SLC4A10: variants seen among roughly 807,000 people sequenced by gnomAD.
SLC4A10 encodes the protein sodium-driven chloride bicarbonate exchanger.
SLC4A10 carries 42 observed loss-of-function variants against 137.7 expected under a neutral mutation model. The ratio of observed to expected loss-of-function variants is 0.30; its 90% CI spans 0.24 to 0.39. The LOEUF (loss-of-function observed/expected upper bound fraction) is 0.39, where lower values mean the gene tolerates loss of function less well. Among genes scored for constraint, SLC4A10 ranks in the 10% least tolerant of loss-of-function variants. SLC4A10 has a pLI of 1.00. For synonymous variants in SLC4A10, 474 were observed against 464.1 expected (o/e 1.02, Z -0.27); for missense variants, 925 against 1,355.0 (o/e 0.68, Z 4.98).
At chr2:161,799,973 G>A (rs1041880442) in intron 2 of SLC4A10, among the ~76,000 whole-genome samples, 13 of 151,980 alleles carry the variant, frequency 8.6e-5, no homozygotes, top group South Asian at 6.2e-4. Flanking sequence ...GTTTATCTCC[G>A]TTATATACAA....
intron 1 of SLC4A10, among the ~76,000 whole-genome samples, chr2:161,652,172 AC>A (rs1401059111): frequency 1.3e-5 from 2 of 152,214 alleles, no homozygotes; most frequent in Non-Finnish European, 2.9e-5. Flanking sequence ...GAGAGGAGGT[AC>A]CTATGTACAT....
At chr2:161,688,654 G>C (rs918172433) in intron 1 of SLC4A10, among the ~76,000 whole-genome samples, 1 of 151,942 alleles carries the variant, frequency 6.6e-6, no homozygotes, top group Non-Finnish European at 1.5e-5. Flanking sequence ...TATCTCTTTT[G>C]GTGCCTTTAT....
At chr2:161,937,724 T>C (rs1691836921) in intron 15 of SLC4A10, among the ~76,000 whole-genome samples, 1 of 152,178 alleles carries the variant, frequency 6.6e-6, no homozygotes, top group Non-Finnish European at 1.5e-5. Flanking sequence ...AACTTTTTAT[T>C]GAGTTAATTA....
intron 15 of SLC4A10, among the ~76,000 whole-genome samples, chr2:161,914,641 T>G: frequency 6.6e-6 from 1 of 151,566 alleles, no homozygotes; most frequent in Non-Finnish European, 1.5e-5. Context: ...ATGAATGAAG[T>G]ACTCATGGAA....
chr2:161,821,007 G>A (rs998660786), intron 3 of SLC4A10, among the ~76,000 whole-genome samples: 2 of 152,020 alleles, frequency 1.3e-5, no homozygotes, highest in Admixed American at 6.6e-5. Context: ...ATATCTTATT[G>A]TTTTAATTTA....
chr2:161,630,027 GT>G (rs2033220356), intron 1 of SLC4A10, among the ~76,000 whole-genome samples: 1 of 151,722 alleles, frequency 6.6e-6, no homozygotes, highest in Non-Finnish European at 1.5e-5. Flanking sequence ...GTGTGGACAT[GT>G]TTTCAATTTC....
intron 2 of SLC4A10, among the ~76,000 whole-genome samples, chr2:161,779,353 G>T (rs983493540): frequency 1.1e-4 from 17 of 151,870 alleles, no homozygotes; most frequent in Admixed American, 1.1e-3. Context: ...ATGAGTTTTG[G>T]TTGGGACAAA....
intron 16 of SLC4A10, 77 bp downstream of exon 16, chr2:161,942,974 A>G: frequency 8.3e-7 from 1 of 1,204,522 alleles, no homozygotes; most frequent in Non-Finnish European, 1.2e-6. Context: ...CCATTACAGT[A>G]AAATTTTTTT....
chr2:161,803,042 T>C (rs1025603340), intron 2 of SLC4A10, among the ~76,000 whole-genome samples: 3 of 152,104 alleles, frequency 2.0e-5, no homozygotes, highest in Admixed American at 6.6e-5. Flanking sequence ...AGTAAGATTT[T>C]TTTTAACCTA....
In SLC4A10 at chr2:161,963,190, G is replaced by T. The variant is rs185573667; in HGVS notation, c.2863-945G>T. On this transcript the variant is annotated intron_variant, in intron 21 of 26. Transcript: ENST00000446997. ...ATGTGATTAAAGATTTAAGCTTCCT[G>T]TGTGCATTTAATTTATAAAATTCAA... Among the ~76,000 whole-genome samples the T allele has an allele frequency of 1.3e-3, 192 of 152,140 alleles. 3 individuals carry two copies. The highest frequency in any genetic ancestry group is 0.012 in the Admixed American group (190 of 15,274).
chr2:161,867,013 A>G (rs79961351), intron 6 of SLC4A10, among the ~76,000 whole-genome samples: 7,327 of 151,842 alleles, frequency 0.048, 250 homozygotes, highest in Middle Eastern at 0.078. Flanking sequence ...TTCCAGTTGT[A>G]CCTTTTATTT....
At chr2:161,961,984 A>T (rs544395238) in intron 21 of SLC4A10, among the ~76,000 whole-genome samples, 1 of 152,318 alleles carries the variant, frequency 6.6e-6, no homozygotes, top group East Asian at 1.9e-4. Context: ...AATTGTAGCT[A>T]ACTGGGTGGG....
intron 12 of SLC4A10, among the ~76,000 whole-genome samples, chr2:161,902,486 C>T (rs1362491144): frequency 1.3e-5 from 2 of 152,024 alleles, no homozygotes; most frequent in Admixed American, 6.6e-5. Context: ...AAAAAAAGTG[C>T]ATATGTTTTA....
At chr2:161,737,294 A>G (rs1159488516) in intron 1 of SLC4A10, among the ~76,000 whole-genome samples, 2 of 152,194 alleles carry the variant, frequency 1.3e-5, no homozygotes, top group East Asian at 3.8e-4. Flanking sequence ...TTTTAGTTAA[A>G]ATTACTGAGT....
At chr2:161,652,360 G>A (rs772085673) in intron 1 of SLC4A10, among the ~76,000 whole-genome samples, 19 of 152,212 alleles carry the variant, frequency 1.2e-4, no homozygotes, top group Non-Finnish European at 2.6e-4. Flanking sequence ...AATTGTTACA[G>A]CTTTGGGCAT....
At chr2:161,710,122 A>G (rs1024609032) in intron 1 of SLC4A10, among the ~76,000 whole-genome samples, 4 of 151,698 alleles carry the variant, frequency 2.6e-5, no homozygotes, top group Non-Finnish European at 5.9e-5. Context: ...GATATTGACT[A>G]TAATTTATAT....
Position 161,973,378 on chromosome 2 carries a change from G to A in SLC4A10, c.3160-871G>A, listed in dbSNP as rs569609311. Among the ~76,000 whole-genome samples, 91 of 152,172 alleles carry A rather than the reference G, an allele frequency of 6.0e-4. 1 individual carries two copies. Among genetic ancestry groups the A allele is most frequent in the African/African-American group, 2.1e-3 (87 of 41,522 alleles). On this transcript the variant is annotated intron_variant, in intron 23 of 26. Coordinates refer to ENST00000446997, the MANE Select transcript of SLC4A10 (RefSeq NM_001178015.2). Reference sequence around the variant, plus strand: ...TTTGATGATAACATTATTTGAAAACGAAACCAGAATTTTCCAGTATGGTGG... The same window carrying A: ...TTTGATGATAACATTATTTGAAAACAAAACCAGAATTTTCCAGTATGGTGG...
intron 2 of SLC4A10, among the ~76,000 whole-genome samples, chr2:161,780,890 T>A (rs1391135531): frequency 6.6e-6 from 1 of 152,060 alleles, no homozygotes; most frequent in African/African-American, 2.4e-5. Context: ...AAAAAATACA[T>A]ATCTAAAAGG....
chr2:161,767,094 C>CATATATATATATATATAT (rs770704286), intron 1 of SLC4A10, among the ~76,000 whole-genome samples: 2 of 40,122 alleles, frequency 5.0e-5, no homozygotes, highest in African/African-American at 7.2e-5. Context: ...AATTAAGAAG[C>CATATATATATATATATAT]ATATATATAT....
Sources: gnomAD v4.1 joint callset for allele counts (sites outside exome capture counted in the v4.1 genomes callset) on GRCh38, gnomAD v4.1.1 for gene constraint, MANE v1.5 for transcripts, NCBI Gene and HGNC (gene_info 2026-07-23, HGNC 2026-07-21) for gene names.